The following PRUNE2 variants were observed in gnomAD, a reference collection of about 807,000 sequenced individuals.
The protein encoded by PRUNE2 is protein prune homolog 2.
Under a neutral mutation model 252.0 loss-of-function variants are expected in PRUNE2, and 164 were observed. The observed-to-expected ratio is 0.65, with a 90% CI of 0.57 to 0.74. The LOEUF (loss-of-function observed/expected upper bound fraction) is 0.74, where lower values mean the gene tolerates loss of function less well. PRUNE2 is among the 30% of genes least tolerant of loss of function. The pLI is 0.00. For missense variants in PRUNE2, 3,495 were observed against 3,711.0 expected, an observed-to-expected ratio of 0.94 and a Z score of 1.51; for synonymous variants, 1,292 against 1,350.2, an observed-to-expected ratio of 0.96 and a Z score of 0.94.
intron 5 of PRUNE2, among the ~76,000 whole-genome samples, chr9:76,825,080 C>T (rs2058267820): frequency 6.6e-6 from 1 of 152,158 alleles, no homozygotes; most frequent in African/African-American, 2.4e-5. Flanking sequence ...ACCACCAGCA[C>T]CTGCCTCTCT....
intron 16 of PRUNE2, among the ~76,000 whole-genome samples, chr9:76,624,841 A>G (rs1833970075): frequency 6.6e-6 from 1 of 152,196 alleles, no homozygotes; most frequent in South Asian, 2.1e-4. Context: ...CTGGTTTAGT[A>G]GGTTTCAGTT....
chr9:76,900,156 AG>A (rs913529357), intron 1 of PRUNE2, among the ~76,000 whole-genome samples: 3 of 152,196 alleles, frequency 2.0e-5, no homozygotes, highest in African/African-American at 7.2e-5. Context: ...AAGACAAGGA[AG>A]TACAGAAGAG....
At chr9:76,817,627 G>A (rs1240127732) in intron 6 of PRUNE2, 1 of 152,200 alleles carries the variant, frequency 6.6e-6, no homozygotes, top group Admixed American at 6.5e-5. Context: ...ACCACATATT[G>A]AAGATGGTCT....
intron 6 of PRUNE2, among the ~76,000 whole-genome samples, chr9:76,755,584 C>T (rs1256958790): frequency 6.6e-6 from 1 of 152,150 alleles, no homozygotes; most frequent in African/African-American, 2.4e-5. Context: ...TCAGGGAAGG[C>T]ATTCAAGGGG....
intron 9 of PRUNE2, among the ~76,000 whole-genome samples, chr9:76,663,143 T>C (rs186967560): frequency 5.9e-5 from 9 of 152,330 alleles, no homozygotes; most frequent in Admixed American, 2.6e-4. Context: ...GAAGCAGCAC[T>C]GAGCTTCACA....
At chr9:76,786,053 C>T (rs1439334435) in intron 6 of PRUNE2, 2 of 152,152 alleles carry the variant, frequency 1.3e-5, no homozygotes, top group African/African-American at 4.8e-5. Flanking sequence ...AAGCAAAATA[C>T]TTGCATTAGG....
intron 17 of PRUNE2, among the ~76,000 whole-genome samples, chr9:76,619,912 G>C (rs17062778): frequency 6.6e-6 from 1 of 152,134 alleles, no homozygotes; most frequent in Non-Finnish European, 1.5e-5. Flanking sequence ...GCTGTGTCCA[G>C]GTGATACAAA....
At chr9:76,682,428 C>G (rs1476414184) in intron 9 of PRUNE2, among the ~76,000 whole-genome samples, 1 of 143,204 alleles carries the variant, frequency 7.0e-6, no homozygotes, top group Non-Finnish European at 1.5e-5. Flanking sequence ...GTGGCGTGAT[C>G]TCGGCCCACA....
chr9:76,892,068 C>CCG (rs749769958), intron 1 of PRUNE2, among the ~76,000 whole-genome samples: 3 of 151,874 alleles, frequency 2.0e-5, no homozygotes, highest in East Asian at 1.9e-4. Context: ...AAGTAGCCCC[C>CCG]CCAGCCAGAT....
At chr9:76,787,916 C>T (rs1324929151) in intron 6 of PRUNE2, among the ~76,000 whole-genome samples, 1 of 152,146 alleles carries the variant, frequency 6.6e-6, no homozygotes, top group Non-Finnish European at 1.5e-5. Flanking sequence ...TCTGTGCTGC[C>T]GCAGCTTCCC....
intron 6 of PRUNE2, among the ~76,000 whole-genome samples, chr9:76,776,925 C>CACACAT (rs1460912534): frequency 4.7e-5 from 7 of 149,444 alleles, no homozygotes; most frequent in Non-Finnish European, 1.0e-4. Context: ...CACACACACA[C>CACACAT]ACACACACAC....
At chr9:76,753,584 T>A (rs12349769) in intron 6 of PRUNE2, among the ~76,000 whole-genome samples, 1,697 of 152,126 alleles carry the variant, frequency 0.011, 30 homozygotes, top group African/African-American at 0.038. Context: ...CTGCCAGTGC[T>A]CACCTCTCCC....
chr9:76,780,970 G>A (rs533515091), intron 6 of PRUNE2, among the ~76,000 whole-genome samples: 13 of 152,110 alleles, frequency 8.5e-5, no homozygotes, highest in Admixed American at 1.3e-4. Flanking sequence ...TTTATGCTAC[G>A]TACCTGAGAA....
intron 4 of PRUNE2, among the ~76,000 whole-genome samples, chr9:76,836,839 G>A (rs773867615): frequency 1.3e-5 from 2 of 152,112 alleles, no homozygotes; most frequent in Non-Finnish European, 2.9e-5. Context: ...AGTGACGGGG[G>A]ACATTATTAG....
At chr9:76,616,162 A>C (rs1397533541) in intron 18 of PRUNE2, among the ~76,000 whole-genome samples, 3 of 152,052 alleles carry the variant, frequency 2.0e-5, no homozygotes, top group Non-Finnish European at 4.4e-5. Context: ...ATCATCATGA[A>C]TATTTCTAGT....
At chr9:76,794,627 A>G (rs2055894021) in intron 6 of PRUNE2, among the ~76,000 whole-genome samples, 2 of 141,842 alleles carry the variant, frequency 1.4e-5, no homozygotes, top group Admixed American at 1.4e-4. Context: ...AAAAAAAAAA[A>G]AAAGAAAAGA....
chr9:76,807,055 C>T lies in PRUNE2; in HGVS notation c.756+16577G>A, dbSNP rs369516818. Among the ~76,000 whole-genome samples the T allele has an allele frequency of 4.4e-3, 504 of 115,634 alleles. 3 individuals are homozygous for T. Among genetic ancestry groups the T allele is most frequent in the African/African-American group, 0.019 (459 of 24,704 alleles). The allele number at this position is 115,634 out of a possible 152,430, so 75.9% of individuals were successfully genotyped here. On this transcript the variant is annotated intron_variant, in intron 6 of 18. Coordinates refer to ENST00000376718, the MANE Select transcript of PRUNE2 (RefSeq NM_015225.3). ...GTGTGTGTGTGTGTGTGTGTGTGCG[C>T]GCGCGCGTGTGTCTGTCTCTCTCTC...
intron 1 of PRUNE2, among the ~76,000 whole-genome samples, chr9:76,872,215 C>T (rs1589698745): frequency 6.6e-6 from 1 of 152,122 alleles, no homozygotes; most frequent in East Asian, 1.9e-4. Context: ...TCAAACCCTC[C>T]CCACCGCATC....
chr9:76,813,750 T>C (rs1023184839), intron 6 of PRUNE2, among the ~76,000 whole-genome samples: 2 of 152,178 alleles, frequency 1.3e-5, no homozygotes, highest in Non-Finnish European at 2.9e-5. Context: ...TCTTACGAAA[T>C]TTACAATAAA....
Sources: allele counts gnomAD v4.1 joint callset (sites outside exome capture counted in the v4.1 genomes callset), GRCh38; gene constraint gnomAD v4.1.1; transcripts MANE v1.5; gene names NCBI Gene and HGNC (gene_info 2026-07-23, HGNC 2026-07-21).